Variants in RANBP2 observed in about 807,000 individuals in gnomAD.
The protein encoded by RANBP2 is E3 SUMO-protein ligase RanBP2.
In RANBP2, 57 loss-of-function variants were observed where a neutral mutation model predicts 303.6. The observed-to-expected ratio is 0.19, with a 90% CI of 0.15 to 0.23. The LOEUF (loss-of-function observed/expected upper bound fraction) is 0.23. Among genes scored for constraint, RANBP2 ranks in the 10% least tolerant of loss-of-function variants. The probability of loss-of-function intolerance (pLI) is 1.00; values close to 1 mark genes in which losing one functional copy is unlikely to be tolerated. For missense variants in RANBP2, 3,138 were observed against 3,780.8 expected (o/e 0.83, Z 4.46); for synonymous variants, 1,167 against 1,301.5 (o/e 0.90, Z 2.23).
the RANBP2 span, chr2:109,251,571 T>C: frequency 4.8e-6 from 4 of 836,994 alleles, no homozygotes; most frequent in Non-Finnish European, 8.4e-6. Flanking sequence ...AGATGGCGAC[T>C]GGTGGGCAAC....
chr2:108,727,843 TC>T (rs1404855258), intron 1 of RANBP2, among the ~76,000 whole-genome samples: 1 of 152,116 alleles, frequency 6.6e-6, no homozygotes, highest in Non-Finnish European at 1.5e-5. Context: ...CTTCAGGTGA[TC>T]CGCCCGCCTC....
At chr2:109,306,817 C>G in the RANBP2 span, among the ~76,000 whole-genome samples, 1 of 152,138 alleles carries the variant, frequency 6.6e-6, no homozygotes, top group East Asian at 1.9e-4. Context: ...TTACGTATTT[C>G]CTAGGTTGCT....
At chr2:109,458,572 C>CAGAGAGAGAGAGAG in the RANBP2 span, among the ~76,000 whole-genome samples, 730 of 123,038 alleles carry the variant, frequency 5.9e-3, 40 homozygotes, top group South Asian at 0.039. Flanking sequence ...CAGCAGGAGA[C>CAGAGAGAGAGAGAG]AGAGAGAGAG....
the RANBP2 span, among the ~76,000 whole-genome samples, chr2:109,187,378 T>C: frequency 2.3e-3 from 349 of 150,746 alleles, 1 homozygote; most frequent in African/African-American, 7.9e-3. Flanking sequence ...TTTTTAAAGG[T>C]ATTATTTAGA....
the RANBP2 span, among the ~76,000 whole-genome samples, chr2:109,049,696 C>A: frequency 2.0e-5 from 3 of 152,290 alleles, no homozygotes; most frequent in Middle Eastern, 3.4e-3. Context: ...CTTTCATTAT[C>A]CAGGCCCTCA....
At chr2:109,035,295 C>T in the RANBP2 span, among the ~76,000 whole-genome samples, 2 of 152,056 alleles carry the variant, frequency 1.3e-5, no homozygotes, top group Non-Finnish European at 2.9e-5. Flanking sequence ...TGAGTGTTGA[C>T]TGCTGGTTCC....
chr2:109,550,353 C>T, the RANBP2 span, among the ~76,000 whole-genome samples: 1 of 151,230 alleles, frequency 6.6e-6, no homozygotes, highest in African/African-American at 2.4e-5. Flanking sequence ...CGCTCTGTTG[C>T]CCAGGCTGGA....
the RANBP2 span, among the ~76,000 whole-genome samples, chr2:108,836,256 G>A: frequency 1.3e-5 from 2 of 152,144 alleles, no homozygotes; most frequent in Non-Finnish European, 2.9e-5. Flanking sequence ...AATCATAATA[G>A]TATTTGCCTT....
the RANBP2 span, among the ~76,000 whole-genome samples, chr2:109,369,381 A>G: frequency 6.6e-6 from 1 of 152,136 alleles, no homozygotes; most frequent in Admixed American, 6.5e-5. Flanking sequence ...AAAGCCCCAC[A>G]CACTCAACGC....
chr2:109,571,063 G>A, the RANBP2 span, among the ~76,000 whole-genome samples: 8 of 152,088 alleles, frequency 5.3e-5, no homozygotes, highest in East Asian at 1.4e-3. Context: ...ACGAGATCTG[G>A]TTGTTTAAAA....
chr2:108,919,355 T>TTTTA, the RANBP2 span, among the ~76,000 whole-genome samples: 330 of 152,188 alleles, frequency 2.2e-3, 4 homozygotes, highest in Middle Eastern at 0.01. Context: ...TCTGACCGCT[T>TTTTA]TTTATTTATT....
chr2:109,358,736 C>T, the RANBP2 span, among the ~76,000 whole-genome samples: 1 of 152,188 alleles, frequency 6.6e-6, no homozygotes, highest in Non-Finnish European at 1.5e-5. Flanking sequence ...TGTAGCGTGT[C>T]TTCTCATTAC....
the RANBP2 span, among the ~76,000 whole-genome samples, chr2:109,057,728 T>G: frequency 1.3e-5 from 2 of 152,194 alleles, no homozygotes; most frequent in Admixed American, 1.3e-4. Flanking sequence ...GGGGCCTGGC[T>G]CTGCAGGATG....
the RANBP2 span, among the ~76,000 whole-genome samples, chr2:108,927,294 A>G: frequency 3.3e-5 from 5 of 152,162 alleles, no homozygotes. Flanking sequence ...CCCATGGAGT[A>G]GGGCGGGAGG....
the RANBP2 span, among the ~76,000 whole-genome samples, chr2:109,285,205 G>A: frequency 6.6e-6 from 1 of 152,216 alleles, no homozygotes. Flanking sequence ...CTGGCCTTCT[G>A]GTTTTGGAGA....
chr2:108,758,355 T>C, intron 17 of RANBP2, 58 bp from the exon 18 acceptor site: 1 of 1,607,160 alleles, frequency 6.2e-7, no homozygotes, highest in South Asian at 1.1e-5. Flanking sequence ...CCCAGCACTG[T>C]TTCTGTCATG....
the RANBP2 span, among the ~76,000 whole-genome samples, chr2:109,516,929 C>A: frequency 1.3e-5 from 2 of 152,148 alleles, no homozygotes; most frequent in Admixed American, 6.5e-5. Flanking sequence ...GGCAGCATGG[C>A]CCCCAGAATT....
the RANBP2 span, among the ~76,000 whole-genome samples, chr2:109,554,434 C>T: frequency 6.6e-6 from 1 of 152,178 alleles, no homozygotes; most frequent in Non-Finnish European, 1.5e-5. Flanking sequence ...AGTTCAGGGT[C>T]ATGGGTGGCT....
the RANBP2 span, among the ~76,000 whole-genome samples, chr2:109,365,726 T>C: frequency 6.6e-6 from 1 of 152,244 alleles, no homozygotes; most frequent in Non-Finnish European, 1.5e-5. Flanking sequence ...GGAACATTTA[T>C]GTTATTTAGT....
Sources: gnomAD v4.1 joint callset for allele counts (sites outside exome capture counted in the v4.1 genomes callset) on GRCh38, gnomAD v4.1.1 for gene constraint, MANE v1.5 for transcripts, NCBI Gene and HGNC (gene_info 2026-07-23, HGNC 2026-07-21) for gene names.